LOC128462377: variants seen among roughly 807,000 people sequenced by gnomAD.
At chr16:89,354,905 T>C in the LOC128462377 span, among the ~76,000 whole-genome samples, 1 of 152,000 alleles carries the variant, frequency 6.6e-6, no homozygotes, top group Non-Finnish European at 1.5e-5. Context: ...AGGCTGTGAG[T>C]GGCCTGGAAG....
the LOC128462377 span, among the ~76,000 whole-genome samples, chr16:89,355,843 C>T: frequency 6.6e-6 from 1 of 152,270 alleles, no homozygotes; most frequent in Admixed American, 6.5e-5. Flanking sequence ...TGTGCGCAGC[C>T]CAATGGAAAG....
chr16:89,362,764 T>G, the LOC128462377 span, among the ~76,000 whole-genome samples: 1 of 152,218 alleles, frequency 6.6e-6, no homozygotes, highest in African/African-American at 2.4e-5. Flanking sequence ...AAGCAAGCAT[T>G]AGGTCACGGC....
At chr16:89,337,537 C>T in the LOC128462377 span, among the ~76,000 whole-genome samples, 2 of 145,778 alleles carry the variant, frequency 1.4e-5, no homozygotes, top group Admixed American at 7.0e-5. Context: ...CCCGGGTTCA[C>T]GCCATTCTCC....
chr16:89,369,597 G>C, the LOC128462377 span, among the ~76,000 whole-genome samples: 2 of 152,252 alleles, frequency 1.3e-5, no homozygotes, highest in African/African-American at 4.8e-5. Flanking sequence ...AGGGTGGAAA[G>C]AGGATCCTGG....
At chr16:89,354,243 CAAAA>C in the LOC128462377 span, among the ~76,000 whole-genome samples, 5 of 126,218 alleles carry the variant, frequency 4.0e-5, no homozygotes, top group Non-Finnish European at 1.7e-5. Context: ...TGCATTCAGC[CAAAA>C]AAAAAAAAAA....
At chr16:89,353,432 C>T in the LOC128462377 span, among the ~76,000 whole-genome samples, 1 of 152,042 alleles carries the variant, frequency 6.6e-6, no homozygotes, top group Admixed American at 6.6e-5. Context: ...GCTGGAAATA[C>T]CAGCAGTAAG....
At chr16:89,384,580 C>A in the LOC128462377 span, among the ~76,000 whole-genome samples, 1 of 151,654 alleles carries the variant, frequency 6.6e-6, no homozygotes, top group Non-Finnish European at 1.5e-5. Flanking sequence ...TGGGACGGGA[C>A]GGGATGGGGC....
the LOC128462377 span, among the ~76,000 whole-genome samples, chr16:89,355,213 C>G: frequency 6.6e-6 from 1 of 152,036 alleles, no homozygotes. Flanking sequence ...GGGAGGCGGG[C>G]AGAGGGCTCA....
At chr16:89,377,479 C>A in the LOC128462377 span, among the ~76,000 whole-genome samples, 2 of 143,898 alleles carry the variant, frequency 1.4e-5, no homozygotes, top group Admixed American at 7.1e-5. Context: ...TGGGCCGGGG[C>A]AGGAGGGCTG....
the LOC128462377 span, among the ~76,000 whole-genome samples, chr16:89,327,750 T>G: frequency 1.3e-5 from 2 of 152,154 alleles, no homozygotes; most frequent in Non-Finnish European, 2.9e-5. Context: ...AATAAATGCT[T>G]AGGTTCATAT....
the LOC128462377 span, among the ~76,000 whole-genome samples, chr16:89,386,856 TGTGTGCGAACAGACAAGCCCTGAGAA>T: frequency 6.6e-6 from 1 of 151,972 alleles, no homozygotes; most frequent in African/African-American, 2.4e-5. Context: ...CAGCCAGAGC[TGTGTGCGAACAGACAAGCCCTGAGAA>T]GTGTGCCAGC....
At chr16:89,398,548 C>T in the LOC128462377 span, among the ~76,000 whole-genome samples, 14 of 152,130 alleles carry the variant, frequency 9.2e-5, no homozygotes, top group Non-Finnish European at 8.8e-5. Flanking sequence ...GAGACCCCAT[C>T]TCTTAAAAAA....
chr16:89,318,418 T>C, the LOC128462377 span, among the ~76,000 whole-genome samples: 19 of 152,376 alleles, frequency 1.2e-4, no homozygotes, highest in African/African-American at 4.1e-4. Flanking sequence ...CAAATGGAAC[T>C]GTGTGCACGT....
At chr16:89,355,129 G>A in the LOC128462377 span, among the ~76,000 whole-genome samples, 5 of 152,162 alleles carry the variant, frequency 3.3e-5, no homozygotes, top group Admixed American at 6.5e-5. Flanking sequence ...GTGGTCTCCC[G>A]TCTGGCCAAG....
the LOC128462377 span, among the ~76,000 whole-genome samples, chr16:89,360,005 G>A: frequency 6.6e-6 from 1 of 152,016 alleles, no homozygotes; most frequent in Non-Finnish European, 1.5e-5. Context: ...CTATCACCCA[G>A]TACTAAGCCC....
chr16:89,410,070 A>G, the LOC128462377 span, among the ~76,000 whole-genome samples: 1 of 152,058 alleles, frequency 6.6e-6, no homozygotes, highest in Non-Finnish European at 1.5e-5. Flanking sequence ...CGATCTCCTG[A>G]CCTCGTGATC....
At chr16:89,382,915 ACTGCAACCTCTGC>A in the LOC128462377 span, among the ~76,000 whole-genome samples, 1 of 152,154 alleles carries the variant, frequency 6.6e-6, no homozygotes, top group Non-Finnish European at 1.5e-5. Context: ...ATCTCGGCTC[ACTGCAACCTCTGC>A]CTCCCAGGTT....
chr16:89,395,098 T>C, the LOC128462377 span, among the ~76,000 whole-genome samples: 1 of 152,220 alleles, frequency 6.6e-6, no homozygotes, highest in Non-Finnish European at 1.5e-5. Context: ...GTGACCAGGC[T>C]GAAGCACAGG....
the LOC128462377 span, among the ~76,000 whole-genome samples, chr16:89,349,133 G>GAAAAAAAAAA: frequency 7.6e-3 from 12 of 1,572 alleles, no homozygotes; most frequent in Non-Finnish European, 0.011. Flanking sequence ...GTCTCAAAAA[G>GAAAAAAAAAA]TAAAAAAAAA....
Sources: gnomAD v4.1 joint callset for allele counts (sites outside exome capture counted in the v4.1 genomes callset) on GRCh38, gnomAD v4.1.1 for gene constraint, MANE v1.5 for transcripts.